Variants in PARM1 observed in about 807,000 individuals in gnomAD.
PARM1 encodes prostate androgen-regulated mucin-like protein 1, also known as WSC4, cell wall integrity and stress response component 4 homolog.
PARM1 carries 14 observed loss-of-function variants against 24.6 expected under a neutral mutation model. That is an observed-to-expected ratio of 0.57 (90% CI 0.38 to 0.89). PARM1 has a LOEUF of 0.89. Ranked by LOEUF, PARM1 falls within the 40% of genes least tolerant of loss-of-function variation. The pLI is 0.00. For synonymous variants in PARM1, 179 were observed against 156.6 expected (o/e 1.14, Z -1.07); for missense variants, 362 against 380.4 (o/e 0.95, Z 0.40).
In PARM1 at chr4:74,933,204, C is replaced by T. The variant is rs1721102466; in HGVS notation, c.-124C>T. Reference sequence around the variant, plus strand: ...CCTCGCGCCCTCCACTGGAGCTGTTCGCGCCTCCCGGCTCCCACCGCAGCC... The same window carrying T: ...CCTCGCGCCCTCCACTGGAGCTGTTTGCGCCTCCCGGCTCCCACCGCAGCC... On this transcript the variant is annotated 5_prime_UTR_variant, in exon 1 of 4. Coordinates refer to ENST00000307428, the MANE Select transcript of PARM1 (RefSeq NM_015393.4). 1.6e-5 allele frequency: 12 copies of T among 760,236 alleles called. No individual in the cohort carries two copies. The highest frequency in any genetic ancestry group is 2.7e-5 in the Non-Finnish European group (12 of 449,822). 47.1% of individuals were successfully genotyped at this position (760,236 alleles called of 1,614,324 possible).
intron 3 of PARM1, among the ~76,000 whole-genome samples, chr4:75,041,829 A>G (rs1723491285): frequency 6.6e-6 from 1 of 152,040 alleles, no homozygotes; most frequent in Non-Finnish European, 1.5e-5. Flanking sequence ...TTTAAAAGAA[A>G]TCATTCTTCA....
intron 1 of PARM1, among the ~76,000 whole-genome samples, chr4:74,937,544 A>AT (rs940570963): frequency 6.6e-6 from 1 of 152,180 alleles, no homozygotes; most frequent in Admixed American, 6.6e-5. Context: ...ACCACTCTGC[A>AT]TTTTTTTATC....
chr4:74,991,725 G>A (rs937371806), intron 1 of PARM1, among the ~76,000 whole-genome samples: 2 of 152,170 alleles, frequency 1.3e-5, no homozygotes, highest in African/African-American at 4.8e-5. Context: ...GTGCTCAAAA[G>A]GGTATTGCAT....
chr4:74,994,463 T>G (rs1285084911), intron 1 of PARM1, among the ~76,000 whole-genome samples: 1 of 152,172 alleles, frequency 6.6e-6, no homozygotes, highest in Non-Finnish European at 1.5e-5. Flanking sequence ...TACCATAAAC[T>G]TAAACCTTTG....
chr4:75,049,857 C>CTTTTTTTTTTTTTTTTTTTTTTTTT lies in PARM1; in HGVS notation c.*3618_*3619insTTTTTTTTTTTTTTTTTTTTTTTTT. 7.2e-6 allele frequency: 1 copy of CTTTTTTTTTTTTTTTTTTTTTTTTT among 138,688 alleles called. No homozygotes were observed. Among genetic ancestry groups the CTTTTTTTTTTTTTTTTTTTTTTTTT allele is most frequent in the African/African-American group, 3.0e-5 (1 of 33,666 alleles). The allele number at this position is 138,688 out of a possible 1,614,324, so 8.6% of individuals were successfully genotyped here. A position where few individuals can be genotyped will look rare whatever the true frequency, so the allele number is the denominator to read the frequency against. ...TGATTCACCTTCTTTGCCTTTAAGC[C>CTTTTTTTTTTTTTTTTTTTTTTTTT]TTTTTTTTCTTTTTTTTTTTTTTGG... On this transcript the variant is annotated 3_prime_UTR_variant, in exon 4 of 4. Transcript: ENST00000307428.
intron 1 of PARM1, among the ~76,000 whole-genome samples, chr4:74,936,479 A>C (rs1394252802): frequency 3.0e-5 from 4 of 134,966 alleles, no homozygotes; most frequent in Non-Finnish European, 6.3e-5. Flanking sequence ...TTTGAGATGG[A>C]GTCTCTCTCT....
At chr4:74,947,747 G>A (rs140470089) in intron 1 of PARM1, among the ~76,000 whole-genome samples, 1 of 152,260 alleles carries the variant, frequency 6.6e-6, no homozygotes, top group African/African-American at 2.4e-5. Flanking sequence ...TGCTGAAACT[G>A]GCTGAAAGGA....
chr4:74,963,075 G>A (rs946881147), intron 1 of PARM1, among the ~76,000 whole-genome samples: 1 of 152,116 alleles, frequency 6.6e-6, no homozygotes, highest in Non-Finnish European at 1.5e-5. Flanking sequence ...ATCCTGTCAC[G>A]CTGTGAAGAA....
intron 1 of PARM1, among the ~76,000 whole-genome samples, chr4:74,959,006 C>G (rs1478032823): frequency 6.6e-6 from 1 of 152,182 alleles, no homozygotes; most frequent in Non-Finnish European, 1.5e-5. Flanking sequence ...ACACAAAACT[C>G]TCTGTAATGA....
intron 1 of PARM1, among the ~76,000 whole-genome samples, chr4:74,997,941 T>C (rs987055): frequency 0.1 from 15,722 of 152,270 alleles, 1,297 homozygotes; most frequent in African/African-American, 0.23. Flanking sequence ...GAGTTGAGCT[T>C]AACAGAGCCA....
chr4:74,994,799 T>TATAAATAAATAAATAAATAA (rs3062355), intron 1 of PARM1, among the ~76,000 whole-genome samples: 14 of 145,066 alleles, frequency 9.7e-5, no homozygotes, highest in African/African-American at 3.3e-4. Context: ...TCTCAAAAAA[T>TATAAATAAATAAATAAATAA]ATAAATAAAT....
Position 75,012,966 on chromosome 4 carries a change from C to T in PARM1, c.585C>T (p.Ser195=). Residue 195 remains serine, a synonymous_variant, in exon 2 of 4, where the codon TCC becomes TCT. Transcript: ENST00000307428. ...QPTGAPTAPE[S]PTEESSSDHT... ...CTGGAGCTCCAACTGCACCAGAGTC[C>T]CCGACAGAGGAGTCCAGCTCTGACC... The T allele has an allele frequency of 1.2e-6, 2 of 1,613,934 alleles. No individual in the cohort carries two copies. The highest frequency in any genetic ancestry group is 8.5e-7 in the Non-Finnish European group (1 of 1,179,868).
chr4:74,962,639 G>A (rs74815912), intron 1 of PARM1, among the ~76,000 whole-genome samples: 6,191 of 152,252 alleles, frequency 0.041, 407 homozygotes, highest in African/African-American at 0.14. Flanking sequence ...GAGAGCAGGG[G>A]TGAATAGGTA....
In PARM1 at chr4:74,975,344, G is replaced by A. The variant is rs568546896; in HGVS notation, c.44-37081G>A. On this transcript the variant is annotated intron_variant, in intron 1 of 3. Coordinates refer to ENST00000307428, the MANE Select transcript of PARM1 (RefSeq NM_015393.4). ...TGTTAGAGTGCGGTATTATGTTTCT[G>A]TAAAACAAAACAAATAATAGGATGT... Among the ~76,000 whole-genome samples the A allele has an allele frequency of 8.5e-5, 13 of 152,294 alleles. No homozygotes were observed. In the East Asian group the frequency reaches 2.5e-3, roughly 29 times the overall value.
In PARM1 at chr4:74,963,864, AAAT is replaced by A. The variant is rs146679338; in HGVS notation, c.43+30497_43+30499del. On this transcript the variant is annotated intron_variant, in intron 1 of 3. Transcript: ENST00000307428. ...AATCTTTCTACGTGCCAAAAAATAA[AAAT>A]AAAAATGGGATAATCAGGTGTAGAC... 2.5e-3 allele frequency among the ~76,000 whole-genome samples: 386 copies of A among 152,312 alleles called. 2 individuals are homozygous for A. The highest frequency in any genetic ancestry group is 9.0e-3 in the African/African-American group (374 of 41,558).
At chr4:74,936,461 G>GTTTGT (rs1721189752) in intron 1 of PARM1, among the ~76,000 whole-genome samples, 1 of 114,416 alleles carries the variant, frequency 8.7e-6, no homozygotes. Context: ...TTGTTTTTTT[G>GTTTGT]TTTTTTTTTT....
intron 1 of PARM1, among the ~76,000 whole-genome samples, chr4:74,939,454 T>C (rs1460862227): frequency 2.0e-5 from 3 of 152,118 alleles, no homozygotes; most frequent in African/African-American, 7.2e-5. Context: ...TATAAAAAAG[T>C]ATATTTTTAA....
In PARM1 at chr4:75,047,626, T is replaced by C. The variant is rs1160025533; in HGVS notation, c.*1379T>C. 1.3e-5 allele frequency: 2 copies of C among 152,218 alleles called. No homozygotes were observed. Among genetic ancestry groups the C allele is most frequent in the Non-Finnish European group, 2.9e-5 (2 of 68,042 alleles). 9.4% of individuals were successfully genotyped at this position (152,218 alleles called of 1,614,324 possible). A position where few individuals can be genotyped will look rare whatever the true frequency, so the allele number is the denominator to read the frequency against. On this transcript the variant is annotated 3_prime_UTR_variant, in exon 4 of 4. Transcript: ENST00000307428. ...AAGCCAGGAATGCTGCCAAACATTCTACCATGCACAGCACAACCTACAACA... is the reference window on the plus strand; with the variant it reads ...AAGCCAGGAATGCTGCCAAACATTCCACCATGCACAGCACAACCTACAACA...
intron 1 of PARM1, among the ~76,000 whole-genome samples, chr4:74,999,324 ATTAC>A (rs1361456864): frequency 1.3e-5 from 2 of 152,224 alleles, no homozygotes; most frequent in Non-Finnish European, 2.9e-5. Flanking sequence ...GCATTACTTA[ATTAC>A]TTACCAGTCC....
Sources: gnomAD v4.1 joint callset for allele counts (sites outside exome capture counted in the v4.1 genomes callset) on GRCh38, gnomAD v4.1.1 for gene constraint, MANE v1.5 for transcripts, NCBI Gene and HGNC (gene_info 2026-07-23, HGNC 2026-07-21) for gene names.